The following TBX15 variants were observed in gnomAD, a reference collection of about 807,000 sequenced individuals.
TBX15 encodes T-box transcription factor 15.
In TBX15, 18 loss-of-function variants were observed where a neutral mutation model predicts 53.9. That is an observed-to-expected ratio of 0.33 (90% CI 0.23 to 0.49). TBX15 has a LOEUF of 0.49. Among genes scored for constraint, TBX15 ranks in the 20% least tolerant of loss-of-function variants. TBX15 has a pLI of 0.98. For missense variants in TBX15, 692 were observed against 749.5 expected, an observed-to-expected ratio of 0.92 and a Z score of 0.90; for synonymous variants, 295 against 278.0, an observed-to-expected ratio of 1.06 and a Z score of -0.61.
At position 118,899,089 on chromosome 1, in the gene TBX15, G is replaced by C; in HGVS notation, c.963C>G (p.Phe321Leu). 6.2e-7 allele frequency: 1 copy of C among 1,613,664 alleles called. No individual in the cohort carries two copies. Among genetic ancestry groups the C allele is most frequent in the Non-Finnish European group, 8.5e-7 (1 of 1,179,706 alleles). The change falls in exon 7 of 8, where the codon TTC becomes TTG. Residue 321 changes from phenylalanine (F) to leucine (L), a missense_variant. Physicochemically the swap from Phe to Leu is conservative, Grantham distance 22 (BLOSUM62 0). Around this residue, in one of 3 missense-constraint regions of TBX15, gnomAD observed 375 missense variants for 371.6 expected, o/e 1.01. Coordinates refer to ENST00000369429, the MANE Select transcript of TBX15 (RefSeq NM_001330677.2). Reference protein sequence around the residue: ...GLEAIMETYAFWRPPVRTLTF... With the variant: ...GLEAIMETYALWRPPVRTLTF... ...TGAGTGTGCGCACAGGAGGTCTCCAGAATGCATATGTCTCCATGATGGCTT... is the reference window on the plus strand; with the variant it reads ...TGAGTGTGCGCACAGGAGGTCTCCACAATGCATATGTCTCCATGATGGCTT...
chr1:118,989,183 GC>G (rs1156589174), upstream of TBX15, among the ~76,000 whole-genome samples: 1 of 152,222 alleles, frequency 6.6e-6, no homozygotes, highest in African/African-American at 2.4e-5. Context: ...AAGAGAAGGA[GC>G]TTTTTCAAAA....
At chr1:118,905,314 G>GTC in intron 6 of TBX15, among the ~76,000 whole-genome samples, 1 of 152,206 alleles carries the variant, frequency 6.6e-6, no homozygotes, top group East Asian at 1.9e-4. Context: ...TTAAAAAGAC[G>GTC]TCTCTCTGTT....
chr1:118,888,181 A>G (rs190266582), intron 7 of TBX15, among the ~76,000 whole-genome samples: 97 of 152,276 alleles, frequency 6.4e-4, no homozygotes, highest in Middle Eastern at 3.4e-3. Context: ...AAGAGCCCTG[A>G]GCCTGATTCT....
At chr1:118,989,487 A>G (rs912069172), upstream of TBX15, 2 of 152,218 alleles carry the variant, frequency 1.3e-5, no homozygotes, top group African/African-American at 4.8e-5. Flanking sequence ...CGGCCTAGAC[A>G]CAGCCCGATC....
rs1653803057 is a variant in TBX15 at position 118,883,530 on chromosome 1, G to A, written c.*1202C>T. The A allele has an allele frequency of 6.6e-6, 1 of 152,200 alleles. No homozygotes were observed. The highest frequency in any genetic ancestry group is 2.4e-5 in the African/African-American group (1 of 41,448). The allele number at this position is 152,200 out of a possible 1,614,324, so 9.4% of individuals were successfully genotyped here. A position where few individuals can be genotyped will look rare whatever the true frequency, so the allele number is the denominator to read the frequency against. On this transcript the variant is annotated 3_prime_UTR_variant, in exon 8 of 8. Transcript: ENST00000369429. ...GATAGCGGGCAGGCATTCTAGGTCA[G>A]GTGTCTGGATCCGGCACCTGGAGGC...
chr1:118,948,947 G>A (rs963348735), intron 1 of TBX15, among the ~76,000 whole-genome samples: 1 of 152,098 alleles, frequency 6.6e-6, no homozygotes, highest in African/African-American at 2.4e-5. Context: ...CCTCTTTCTT[G>A]CCATTATTTA....
At chr1:118,890,825 A>G (rs1654112914) in intron 7 of TBX15, 1 of 1,235,218 alleles carries the variant, frequency 8.1e-7, no homozygotes, top group African/African-American at 1.6e-5. Context: ...GTAAGGCAAA[A>G]CCCCATCTAG....
intron 7 of TBX15, among the ~76,000 whole-genome samples, chr1:118,887,035 A>G (rs375037085): frequency 9.2e-5 from 14 of 152,200 alleles, no homozygotes; most frequent in African/African-American, 2.9e-4. Flanking sequence ...CCTCTTTCCC[A>G]AAGTCAGGAA....
At chr1:118,955,432 T>C (rs891712857) in intron 1 of TBX15, among the ~76,000 whole-genome samples, 2 of 152,212 alleles carry the variant, frequency 1.3e-5, no homozygotes, top group Non-Finnish European at 2.9e-5. Context: ...GCATTTGGTG[T>C]TGTTTCAGAA....
intron 2 of TBX15, 83 bp downstream of exon 2, chr1:118,931,536 A>C (rs1655779130): frequency 2.0e-6 from 3 of 1,479,466 alleles, no homozygotes; most frequent in Non-Finnish European, 2.8e-6. Context: ...ATGCCATCAC[A>C]AATAAATAAG....
At chr1:118,970,473 G>A (rs1483287311) in intron 1 of TBX15, among the ~76,000 whole-genome samples, 3 of 152,242 alleles carry the variant, frequency 2.0e-5, no homozygotes, top group South Asian at 2.1e-4. Flanking sequence ...AAGAGAAACC[G>A]TCTTGCAAGT....
chr1:118,922,667 C>A lies in TBX15; in HGVS notation c.861+769G>T, dbSNP rs549795562. ...CAGCCCAGATGTAAACAAAATATTT[C>A]TATGAGTAGAATGTACTCATGTGCT... On this transcript the variant is annotated intron_variant, in intron 5 of 7. Coordinates refer to ENST00000369429, the MANE Select transcript of TBX15 (RefSeq NM_001330677.2). Among the ~76,000 whole-genome samples, 3 of 152,296 alleles carry A rather than the reference C, an allele frequency of 2.0e-5. No individual in the cohort carries two copies. In the South Asian group the frequency reaches 6.2e-4, roughly 32 times the overall value.
intron 1 of TBX15, among the ~76,000 whole-genome samples, chr1:118,933,020 C>A (rs144291636): frequency 6.6e-6 from 1 of 152,116 alleles, no homozygotes; most frequent in African/African-American, 2.4e-5. Context: ...TGTCAAGGGT[C>A]AGAGCTTCTT....
chr1:118,889,246 T>G (rs1243096087), intron 7 of TBX15, among the ~76,000 whole-genome samples: 1 of 152,198 alleles, frequency 6.6e-6, no homozygotes, highest in African/African-American at 2.4e-5. Context: ...TGGTATTCAT[T>G]TTGCAGAGAA....
intron 5 of TBX15, 105 bp from the exon 6 acceptor site, chr1:118,914,284 T>A: frequency 9.5e-7 from 1 of 1,052,648 alleles, no homozygotes; most frequent in Non-Finnish European, 1.4e-6. Flanking sequence ...AGTTGTTGCT[T>A]TTATTTAATT....
At chr1:118,954,378 C>T (rs915509746) in intron 1 of TBX15, among the ~76,000 whole-genome samples, 1 of 152,152 alleles carries the variant, frequency 6.6e-6, no homozygotes, top group Non-Finnish European at 1.5e-5. Context: ...CCAGCCTATC[C>T]CCAGGAGATC....
At chr1:118,961,367 C>G (rs1262805905) in intron 1 of TBX15, among the ~76,000 whole-genome samples, 1 of 152,168 alleles carries the variant, frequency 6.6e-6, no homozygotes, top group African/African-American at 2.4e-5. Context: ...GATTCATTCT[C>G]TCCACTGAAA....
intron 1 of TBX15, among the ~76,000 whole-genome samples, chr1:118,936,761 T>G (rs970049087): frequency 3.9e-5 from 6 of 152,128 alleles, no homozygotes; most frequent in Non-Finnish European, 8.8e-5. Flanking sequence ...TAAGAGTTGT[T>G]ATTATTATTA....
At chr1:118,956,887 C>T (rs113524224) in intron 1 of TBX15, among the ~76,000 whole-genome samples, 1,850 of 151,024 alleles carry the variant, frequency 0.012, 43 homozygotes, top group African/African-American at 0.042. Flanking sequence ...GGCATGAACC[C>T]GGGAGGCGGA....
Sources: gnomAD v4.1 joint callset for allele counts (sites outside exome capture counted in the v4.1 genomes callset) on GRCh38, gnomAD v4.1.1 for gene constraint, gnomAD v4.1.1 regional missense constraint, MANE v1.5 for transcripts, NCBI Gene and HGNC (gene_info 2026-07-23, HGNC 2026-07-21) for gene names.